The following CYLD variants were observed in gnomAD, a reference collection of about 807,000 sequenced individuals.
The protein encoded by CYLD is ubiquitin carboxyl-terminal hydrolase CYLD.
A neutral mutation model predicts 104.5 loss-of-function variants in CYLD; 26 were observed. That is an observed-to-expected ratio of 0.25 (90% CI 0.18 to 0.35). The LOEUF (loss-of-function observed/expected upper bound fraction) is 0.35, where lower values mean the gene tolerates loss of function less well. Ranked by LOEUF, CYLD falls within the 10% of genes least tolerant of loss-of-function variation. CYLD has a pLI of 1.00. For missense variants in CYLD, 703 were observed against 1,136.1 expected (o/e 0.62, Z 5.48); for synonymous variants, 385 against 399.9 (o/e 0.96, Z 0.45).
intron 2 of CYLD, among the ~76,000 whole-genome samples, chr16:50,747,806 A>T (rs1444430796): frequency 2.0e-5 from 3 of 152,170 alleles, no homozygotes; most frequent in Non-Finnish European, 4.4e-5. Context: ...AGAAAAGAGA[A>T]CCACTTCATG....
chr16:50,766,418 G>A (rs910435592), intron 5 of CYLD, among the ~76,000 whole-genome samples: 3 of 152,208 alleles, frequency 2.0e-5, no homozygotes. Context: ...TCACTCAAAA[G>A]CTTTGATGGA....
In CYLD at chr16:50,791,514, T is replaced by C. The variant is rs778920804; in HGVS notation, c.2109-44T>C. On this transcript the variant is annotated intron_variant, in intron 14 of 18. Transcript: ENST00000427738. ...CAACTTAACATTTTGATTTAAGCAT[T>C]TGATAAATAGGTTGTATGTATTTTT... The C allele has an allele frequency of 1.2e-5, 19 of 1,609,744 alleles. No homozygotes were observed. In the Admixed American group the frequency reaches 3.0e-4, roughly 25 times the overall value.
At chr16:50,759,699 G>T (rs540979431) in intron 5 of CYLD, among the ~76,000 whole-genome samples, 2 of 152,110 alleles carry the variant, frequency 1.3e-5, no homozygotes, top group African/African-American at 2.4e-5. Flanking sequence ...ATTAATGGAC[G>T]CTTGGGTTTT....
At chr16:50,767,208 C>T (rs1355881176) in intron 5 of CYLD, among the ~76,000 whole-genome samples, 1 of 152,184 alleles carries the variant, frequency 6.6e-6, no homozygotes, top group Non-Finnish European at 1.5e-5. Context: ...GACTATGACT[C>T]CTTGAAGGCT....
At chr16:50,765,855 G>A (rs199941922) in intron 5 of CYLD, among the ~76,000 whole-genome samples, 1 of 151,886 alleles carries the variant, frequency 6.6e-6, no homozygotes, top group Non-Finnish European at 1.5e-5. Flanking sequence ...AATTCTGAAA[G>A]GCTGAGAGAG....
chr16:50,778,569 C>T (rs753381397), intron 8 of CYLD, among the ~76,000 whole-genome samples: 14 of 152,152 alleles, frequency 9.2e-5, no homozygotes, highest in Non-Finnish European at 1.3e-4. Context: ...GTGACACATG[C>T]TTAGGTTTAC....
chr16:50,795,522 A>G (rs1483033200), intron 18 of CYLD: 1 of 702,626 alleles, frequency 1.4e-6, no homozygotes, highest in African/African-American at 1.7e-5. Flanking sequence ...ATGTTCCTCC[A>G]TTCTTATACC....
intron 7 of CYLD, among the ~76,000 whole-genome samples, chr16:50,777,621 G>A (rs1969817630): frequency 6.6e-6 from 1 of 151,718 alleles, no homozygotes; most frequent in African/African-American, 2.4e-5. Flanking sequence ...TGACTTTTGG[G>A]CTGAAAAATA....
chr16:50,794,270 A>T lies in CYLD; in HGVS notation c.2528A>T (p.Asp843Val). The change falls in exon 18 of 19, where the codon GAC (aspartate) becomes GTC (valine). Residue 843 changes from aspartate (D) to valine (V), a missense_variant. Asp to Val is a radical substitution (Grantham distance 152). Around this residue, in one of 5 missense-constraint regions of CYLD, gnomAD observed 130 missense variants for 220.2 expected, o/e 0.59. Coordinates refer to ENST00000427738, the MANE Select transcript of CYLD (RefSeq NM_001378743.1). This position sits in a 1 kb window ranked among gnomAD's most constrained non-coding sequence, Gnocchi z 4.1. ...HKYNPVSLPK[D>V]LPDWDWRHGC... ...TATAACCCAGTGTCACTTCCCAAAG[A>T]CTTACCCGACTGGGACTGGAGACAC... The T allele has an allele frequency of 6.2e-7, 1 of 1,614,142 alleles. No homozygotes were observed. Among genetic ancestry groups the T allele is most frequent in the Non-Finnish European group, 8.5e-7 (1 of 1,180,012 alleles).
rs560287033 is a variant in CYLD, at chr16:50,759,228, C to T, written c.913+4804C>T. On this transcript the variant is annotated intron_variant, in intron 5 of 18. Coordinates refer to ENST00000427738, the MANE Select transcript of CYLD (RefSeq NM_001378743.1). ...TTGCACTCCAACCTGGGTGACAGAG[C>T]GAGACTCCATCTCAAAAAAGAAACT... 3.7e-4 allele frequency among the ~76,000 whole-genome samples: 56 copies of T among 152,100 alleles called. 1 individual carries two copies. The highest frequency in any genetic ancestry group is 1.2e-3 in the African/African-American group (48 of 41,500).
chr16:50,777,997 GA>G lies in CYLD; in HGVS notation c.1138+61del, dbSNP rs1294027170. 4 of 1,040,472 alleles carry G rather than the reference GA, an allele frequency of 3.8e-6. No homozygotes were observed. The East Asian group carries it at 7.1e-5, about 19-fold the overall frequency. 64.5% of individuals were successfully genotyped at this position (1,040,472 alleles called of 1,614,324 possible). On this transcript the variant is annotated intron_variant, in intron 8 of 18. Coordinates refer to ENST00000427738, the MANE Select transcript of CYLD (RefSeq NM_001378743.1). Reference sequence around the variant, plus strand: ...GATCCTTTCTTTCTAACTCATCAGAGAAAAATGGTTTTTTATATCAATATTT... The same window carrying G: ...GATCCTTTCTTTCTAACTCATCAGAGAAAATGGTTTTTTATATCAATATTT...
At chr16:50,742,896 G>A (rs1965837126) in intron 2 of CYLD, 55 bp downstream of exon 2, 1 of 202,158 alleles carries the variant, frequency 4.9e-6, no homozygotes, top group South Asian at 2.3e-4. Context: ...GGTGGGGGGC[G>A]AATGGGGGGC....
Position 50,791,681 on chromosome 16 carries a change from A to G in CYLD, c.2232A>G (p.Lys744=). 1 of 1,613,872 alleles carries G rather than the reference A, an allele frequency of 6.2e-7. No homozygotes were observed. Among genetic ancestry groups the G allele is most frequent in the East Asian group, 2.2e-5 (1 of 44,812 alleles). The change falls in exon 15 of 19, where the codon AAA becomes AAG. Residue 744 remains lysine, a synonymous_variant. Transcript: ENST00000427738. ...LEWSFINSNL[K]FAEAPSCLII... ...GGTCTTTTATCAACAGTAACCTGAA[A>G]TTTGCAGAGGTTAGTGATACTCACC...
rs764804948 is a variant in CYLD at position 50,754,980 on chromosome 16, C to CATATATACATATATATGT, written c.913+624_913+641dup. ...ATACATATACACACATATATGTATA[C>CATATATACATATATATGT]ATATATACATATATATGTATATATA... On this transcript the variant is annotated intron_variant, in intron 5 of 18. Transcript: ENST00000427738. 2.5e-3 allele frequency among the ~76,000 whole-genome samples: 279 copies of CATATATACATATATATGT among 112,406 alleles called. 2 individuals are homozygous for CATATATACATATATATGT. The highest frequency in any genetic ancestry group is 4.3e-3 in the East Asian group (17 of 3,976). The allele number at this position is 112,406 out of a possible 152,430, so 73.7% of individuals were successfully genotyped here. A position where few individuals can be genotyped will look rare whatever the true frequency, so the allele number is the denominator to read the frequency against.
chr16:50,790,100 A>G (rs1273421783), intron 14 of CYLD, among the ~76,000 whole-genome samples: 1 of 152,266 alleles, frequency 6.6e-6, no homozygotes, highest in Non-Finnish European at 1.5e-5. Flanking sequence ...ATGTTTCAAC[A>G]GATAATAGCT....
chr16:50,742,911 G>GGGCC, intron 2 of CYLD, 70 bp downstream of exon 2: 1 of 150,342 alleles, frequency 6.7e-6, no homozygotes, highest in Non-Finnish European at 1.4e-5. Context: ...GGGGGCGGGG[G>GGGCC]CGAAGTCATG....
chr16:50,786,901 C>A lies in CYLD; in HGVS notation c.1996C>A (p.Leu666Ile). 6.2e-7 allele frequency: 1 copy of A among 1,613,924 alleles called. No homozygotes were observed. The highest frequency in any genetic ancestry group is 8.5e-7 in the Non-Finnish European group (1 of 1,179,940). The change falls in exon 13 of 19, where the codon CTT becomes ATT. Residue 666 changes from leucine (L) to isoleucine (I), a missense_variant. This residue lies in a region of CYLD where 125 missense variants were observed against 325.4 expected (regional missense o/e 0.38). Transcript: ENST00000427738. ...ATKIMKLRKI[L>I]EKVEAASGFT... ...AAAAATTATGAAACTGAGGAAAATA[C>A]TTGAAAAGGTGGAGGCTGCATCAGG...
At chr16:50,742,611 G>A (rs1965800917) in intron 1 of CYLD, 151 bp from the exon 2 acceptor site, 2 of 383,348 alleles carry the variant, frequency 5.2e-6, no homozygotes, top group Non-Finnish European at 4.6e-6. Flanking sequence ...CGACGGCCAC[G>A]GTTGGCCTCA....
At chr16:50,757,811 C>G (rs571066196) in intron 5 of CYLD, among the ~76,000 whole-genome samples, 1 of 152,216 alleles carries the variant, frequency 6.6e-6, no homozygotes, top group Non-Finnish European at 1.5e-5. Context: ...GCTGGGACTA[C>G]AGGCGTGAGC....
Sources: allele counts gnomAD v4.1 joint callset (sites outside exome capture counted in the v4.1 genomes callset), GRCh38; gene constraint gnomAD v4.1.1; regional missense constraint gnomAD v4.1.1; non-coding constraint Gnocchi (gnomAD v3.1); transcripts MANE v1.5; gene names NCBI Gene and HGNC (gene_info 2026-07-23, HGNC 2026-07-21).